TBC1D2: variants seen among roughly 807,000 people sequenced by gnomAD.
TBC1D2 encodes the protein TBC1 domain family member 2A.
Under a neutral mutation model 91.1 loss-of-function variants are expected in TBC1D2, and 58 were observed. The ratio of observed to expected loss-of-function variants is 0.64; its 90% CI spans 0.52 to 0.79. The LOEUF (loss-of-function observed/expected upper bound fraction) is 0.79, where lower values mean the gene tolerates loss of function less well. Ranked by LOEUF, TBC1D2 falls within the 30% of genes least tolerant of loss-of-function variation. The probability of loss-of-function intolerance (pLI) is 0.00; values close to 1 mark genes in which losing one functional copy is unlikely to be tolerated. For synonymous variants in TBC1D2, 482 were observed against 511.5 expected, an observed-to-expected ratio of 0.94 and a Z score of 0.78; for missense variants, 1,080 against 1,208.3, an observed-to-expected ratio of 0.89 and a Z score of 1.57.
At chr9:98,200,567 G>A (rs904360153) in intron 11 of TBC1D2, among the ~76,000 whole-genome samples, 193 bp from the exon 12 acceptor site, 11 of 151,990 alleles carry the variant, frequency 7.2e-5, no homozygotes, top group Non-Finnish European at 1.5e-4. Context: ...GGGGTGGTGG[G>A]GGGGCGGGGG....
intron 3 of TBC1D2, among the ~76,000 whole-genome samples, chr9:98,233,984 A>G (rs1829440161): frequency 2.0e-5 from 3 of 152,226 alleles, no homozygotes; most frequent in African/African-American, 7.2e-5. Context: ...ATCTGGTTTC[A>G]TAACTATCTG....
chr9:98,208,144 A>G (rs73486575), intron 9 of TBC1D2, among the ~76,000 whole-genome samples: 4,613 of 152,152 alleles, frequency 0.03, 245 homozygotes, highest in African/African-American at 0.11. Context: ...AAATCAAAGG[A>G]GAGAGCAGGG....
chr9:98,252,030 C>CA, intron 1 of TBC1D2, 104 bp from the exon 2 acceptor site: 1 of 1,426,494 alleles, frequency 7.0e-7, no homozygotes, highest in Non-Finnish European at 9.3e-7. Flanking sequence ...CTTTCTTTCC[C>CA]AGGAAAAAAA....
At chr9:98,240,657 C>T (rs1278292088) in intron 3 of TBC1D2, among the ~76,000 whole-genome samples, 1 of 152,194 alleles carries the variant, frequency 6.6e-6, no homozygotes, top group African/African-American at 2.4e-5. Context: ...CCAGGAACTG[C>T]TCCCTCCCTG....
At chr9:98,218,352 G>A (rs1829018247) in intron 6 of TBC1D2, among the ~76,000 whole-genome samples, 1 of 151,906 alleles carries the variant, frequency 6.6e-6, no homozygotes, top group African/African-American at 2.4e-5. Context: ...AGATCACGCG[G>A]TCAGGAGATC....
chr9:98,237,891 TTTTTTTTTC>T (rs1477624579), intron 3 of TBC1D2, among the ~76,000 whole-genome samples: 14 of 148,098 alleles, frequency 9.5e-5, no homozygotes, highest in South Asian at 2.1e-4. Context: ...TATTAAGTCT[TTTTTTTTTC>T]TTTTTTTTCT....
intron 6 of TBC1D2, among the ~76,000 whole-genome samples, chr9:98,218,049 CTA>C (rs1050522638): frequency 1.3e-5 from 2 of 151,986 alleles, no homozygotes; most frequent in African/African-American, 2.4e-5. Context: ...TGAGATCTTG[CTA>C]TGTTTCCCCG....
At position 98,221,151 on chromosome 9, in the gene TBC1D2, C is replaced by T. The variant is rs1258099806; in HGVS notation, c.1056G>A (p.Ala352=). 27 of 1,577,304 alleles carry T rather than the reference C, an allele frequency of 1.7e-5. No homozygotes were observed. The highest frequency in any genetic ancestry group is 2.3e-5 in the Non-Finnish European group (27 of 1,161,930). ...EKRASSAYLA[A]AEDKDRLELV... is the part of the protein sequence containing the mutation. ...GCTCCAGCCGGTCCTTGTCCTCAGCCGCCGCCAGGTATGCGCTGGACGCCC... is the reference window on the plus strand; with the variant it reads ...GCTCCAGCCGGTCCTTGTCCTCAGCTGCCGCCAGGTATGCGCTGGACGCCC... Residue 352 remains alanine (A), a synonymous_variant, in exon 6 of 13, where the codon GCG becomes GCA. Transcript: ENST00000465784.
intron 7 of TBC1D2, among the ~76,000 whole-genome samples, chr9:98,211,972 A>G (rs765306040): frequency 2.6e-5 from 4 of 151,704 alleles, no homozygotes; most frequent in African/African-American, 9.7e-5. Context: ...TAATTTTTGT[A>G]TTTTTGGTAG....
intron 11 of TBC1D2, among the ~76,000 whole-genome samples, chr9:98,201,144 G>C (rs1289495284): frequency 6.6e-6 from 1 of 152,128 alleles, no homozygotes; most frequent in Non-Finnish European, 1.5e-5. Flanking sequence ...GCTGGGTCCA[G>C]ACCTGAGCTC....
chr9:98,233,917 T>C (rs951252204), intron 3 of TBC1D2, among the ~76,000 whole-genome samples: 2 of 152,208 alleles, frequency 1.3e-5, no homozygotes, highest in African/African-American at 4.8e-5. Flanking sequence ...GTGCTTAATA[T>C]GGGTGTGTTG....
intron 1 of TBC1D2, among the ~76,000 whole-genome samples, chr9:98,253,017 C>T (rs1383304112): frequency 2.6e-5 from 4 of 152,160 alleles, no homozygotes; most frequent in African/African-American, 4.8e-5. Context: ...GAGACTGCAG[C>T]ACCTCCCAGG....
intron 6 of TBC1D2, among the ~76,000 whole-genome samples, chr9:98,219,621 G>A (rs74845181): frequency 0.046 from 6,985 of 152,284 alleles, 208 homozygotes; most frequent in Non-Finnish European, 0.069. Context: ...CTGCAGACCT[G>A]TGCACCTGTT....
At chr9:98,253,237 G>A (rs28578965) in intron 1 of TBC1D2, among the ~76,000 whole-genome samples, 8,488 of 152,150 alleles carry the variant, frequency 0.056, 329 homozygotes, top group Middle Eastern at 0.13. Flanking sequence ...TGTTCCATGG[G>A]CTCCTCATCC....
chr9:98,242,308 G>T (rs549231834), intron 3 of TBC1D2, among the ~76,000 whole-genome samples: 2 of 152,184 alleles, frequency 1.3e-5, no homozygotes, highest in East Asian at 3.9e-4. Flanking sequence ...GGGCGTGGTG[G>T]TGGGTGCCTG....
chr9:98,237,962 G>A (rs1012448034), intron 3 of TBC1D2, among the ~76,000 whole-genome samples: 3 of 146,792 alleles, frequency 2.0e-5, no homozygotes, highest in Non-Finnish European at 3.0e-5. Context: ...GGAGTGCAGT[G>A]GCACAATCAT....
At position 98,228,587 on chromosome 9, in the gene TBC1D2, T is replaced by C. The variant is rs1055328676; in HGVS notation, c.978+365A>G. Among the ~76,000 whole-genome samples the C allele has an allele frequency of 2.6e-5, 4 of 152,248 alleles. No homozygotes were observed. The highest frequency in any genetic ancestry group is 4.4e-5 in the Non-Finnish European group (3 of 68,010). On this transcript the variant is annotated intron_variant, in intron 5 of 12. Transcript: ENST00000465784. This position sits in a 1 kb window ranked among gnomAD's most constrained non-coding sequence, Gnocchi z 4.0. ...CCAGATATCGGCTGCCAGGTCAAAG[T>C]TCCCCCCAGTTCTATCGACAGCCCC...
intron 4 of TBC1D2, among the ~76,000 whole-genome samples, chr9:98,231,375 T>C (rs1378192680): frequency 2.0e-5 from 3 of 151,458 alleles, no homozygotes; most frequent in African/African-American, 7.3e-5. Context: ...AACTCATTTG[T>C]ACATATTAGA....
chr9:98,234,524 C>T (rs1179128632), intron 3 of TBC1D2, among the ~76,000 whole-genome samples: 1 of 152,198 alleles, frequency 6.6e-6, no homozygotes, highest in Non-Finnish European at 1.5e-5. Context: ...AGTTTAGTGT[C>T]ATGACCAGCA....
Sources: allele counts gnomAD v4.1 joint callset (sites outside exome capture counted in the v4.1 genomes callset), GRCh38; gene constraint gnomAD v4.1.1; non-coding constraint Gnocchi (gnomAD v3.1); transcripts MANE v1.5; gene names NCBI Gene and HGNC (gene_info 2026-07-23, HGNC 2026-07-21).